The following AMD1 variants were observed in gnomAD, a reference collection of about 807,000 sequenced individuals.
AMD1 encodes S-adenosylmethionine decarboxylase proenzyme.
In AMD1, 11 loss-of-function variants were observed where a neutral mutation model predicts 40.2. That is an observed-to-expected ratio of 0.27 (90% CI 0.17 to 0.45). The LOEUF is 0.45. AMD1 is among the 20% of genes least tolerant of loss of function. The probability of loss-of-function intolerance (pLI) is 1.00; values close to 1 mark genes in which losing one functional copy is unlikely to be tolerated. For synonymous variants in AMD1, 121 were observed against 130.8 expected, an observed-to-expected ratio of 0.93 and a Z score of 0.51; for missense variants, 257 against 410.2, an observed-to-expected ratio of 0.63 and a Z score of 3.23.
the AMD1 span, among the ~76,000 whole-genome samples, chr6:110,841,283 A>G: frequency 6.6e-6 from 1 of 152,234 alleles, no homozygotes; most frequent in Non-Finnish European, 1.5e-5. Context: ...AGTGTTATAA[A>G]TGATAGTTTC....
the AMD1 span, among the ~76,000 whole-genome samples, chr6:110,840,333 A>C: frequency 6.6e-6 from 1 of 152,064 alleles, no homozygotes; most frequent in Non-Finnish European, 1.5e-5. Flanking sequence ...TTGGGGGCTC[A>C]GTCCCCAAGA....
At chr6:110,881,388 CA>C (rs1180890276) in intron 1 of AMD1, among the ~76,000 whole-genome samples, 1 of 152,088 alleles carries the variant, frequency 6.6e-6, no homozygotes, top group African/African-American at 2.4e-5. Flanking sequence ...TTCTGGGTGG[CA>C]AAATTACTAC....
intron 1 of AMD1, among the ~76,000 whole-genome samples, chr6:110,887,147 T>C (rs1237931631): frequency 6.6e-6 from 1 of 152,180 alleles, no homozygotes; most frequent in Non-Finnish European, 1.5e-5. Context: ...TTTTTAAGTG[T>C]TTCTTAAGGT....
At chr6:110,861,089 T>C in the AMD1 span, among the ~76,000 whole-genome samples, 1 of 152,094 alleles carries the variant, frequency 6.6e-6, no homozygotes, top group Non-Finnish European at 1.5e-5. Context: ...CTGGGCACGC[T>C]GGCTCACTCC....
At chr6:110,876,234 C>T (rs988071781) in intron 1 of AMD1, among the ~76,000 whole-genome samples, 2 of 152,228 alleles carry the variant, frequency 1.3e-5, no homozygotes, top group African/African-American at 2.4e-5. Flanking sequence ...AGGCCTTGTT[C>T]CTGGCGGCGG....
At chr6:110,875,332 C>A in intron 1 of AMD1, 117 bp downstream of exon 1, 1 of 845,572 alleles carries the variant, frequency 1.2e-6, no homozygotes, top group Non-Finnish European at 1.9e-6. Context: ...AAGTCTGCGG[C>A]CTGGGGTCGC....
the AMD1 span, chr6:110,815,152 T>C: frequency 1.3e-5 from 20 of 1,573,130 alleles, 1 homozygote; most frequent in South Asian, 1.4e-4. Flanking sequence ...GCTTCCCCCA[T>C]AGAGGCACGG....
the AMD1 span, among the ~76,000 whole-genome samples, chr6:110,844,790 AAAAGAAAGAAAG>A: frequency 6.6e-6 from 1 of 151,570 alleles, no homozygotes; most frequent in Non-Finnish European, 1.5e-5. Context: ...TCAGAAAAAA[AAAAGAAAGAAAG>A]AAAGAAAGAA....
intron 8 of AMD1, 122 bp from the exon 9 acceptor site, chr6:110,893,353 AG>A (rs1786138003): frequency 7.4e-7 from 1 of 1,344,240 alleles, no homozygotes; most frequent in Admixed American, 2.1e-5. Flanking sequence ...GCACATAAGA[AG>A]GCAGCTAAAA....
the AMD1 span, among the ~76,000 whole-genome samples, chr6:110,861,669 C>T: frequency 1.3e-5 from 2 of 151,804 alleles, no homozygotes; most frequent in African/African-American, 4.8e-5. Flanking sequence ...TAGTGAAACC[C>T]CATCTTTACT....
the AMD1 span, among the ~76,000 whole-genome samples, chr6:110,816,391 G>A: frequency 6.6e-6 from 1 of 152,118 alleles, no homozygotes; most frequent in Non-Finnish European, 1.5e-5. Flanking sequence ...TTGTGTTGGG[G>A]CTCAGGACAC....
At chr6:110,873,249 A>T (rs999999362), upstream of AMD1, among the ~76,000 whole-genome samples, 5 of 152,166 alleles carry the variant, frequency 3.3e-5, no homozygotes, top group African/African-American at 1.2e-4. Flanking sequence ...CTGTAATCCC[A>T]GCTACTCGGG....
At chr6:110,874,424 ACCCCTAAG>A (rs1247647631), upstream of AMD1, among the ~76,000 whole-genome samples, 4 of 150,432 alleles carry the variant, frequency 2.7e-5, no homozygotes, top group African/African-American at 9.9e-5. Flanking sequence ...CCCCGCCAAC[ACCCCTAAG>A]GACCCACCCA....
chr6:110,837,224 T>A, the AMD1 span, among the ~76,000 whole-genome samples: 1 of 142,994 alleles, frequency 7.0e-6, no homozygotes, highest in African/African-American at 2.6e-5. Context: ...ATCCTAGCAC[T>A]TTGGGAGGTC....
intron 1 of AMD1, among the ~76,000 whole-genome samples, chr6:110,878,324 C>T (rs991380339): frequency 6.6e-6 from 1 of 152,196 alleles, no homozygotes; most frequent in Non-Finnish European, 1.5e-5. Flanking sequence ...ACAAACTTGG[C>T]TCATCAGTCC....
At chr6:110,854,850 T>G in the AMD1 span, among the ~76,000 whole-genome samples, 6 of 152,192 alleles carry the variant, frequency 3.9e-5, no homozygotes, top group Non-Finnish European at 7.3e-5. Flanking sequence ...ATGTAATATT[T>G]GAAGGATCCT....
the AMD1 span, chr6:110,814,849 G>T: frequency 3.2e-6 from 3 of 933,598 alleles, no homozygotes; most frequent in African/African-American, 1.7e-5. Context: ...GAGGCGGGCG[G>T]AACGGGCGCC....
chr6:110,856,165 A>G, the AMD1 span, among the ~76,000 whole-genome samples: 1 of 150,298 alleles, frequency 6.7e-6, no homozygotes, highest in Non-Finnish European at 1.5e-5. Context: ...GAGGTCACAG[A>G]TGTCAAAGTT....
At chr6:110,856,779 G>A in the AMD1 span, among the ~76,000 whole-genome samples, 4 of 152,176 alleles carry the variant, frequency 2.6e-5, no homozygotes, top group Non-Finnish European at 5.9e-5. Context: ...AGGCTCTGGA[G>A]GGAAGAAGGG....
Sources: gnomAD v4.1 joint callset for allele counts (sites outside exome capture counted in the v4.1 genomes callset) on GRCh38, gnomAD v4.1.1 for gene constraint, MANE v1.5 for transcripts, NCBI Gene and HGNC (gene_info 2026-07-23, HGNC 2026-07-21) for gene names.